The following D2HGDH variants were observed in gnomAD, a reference collection of about 807,000 sequenced individuals.
The protein encoded by D2HGDH is D-2-hydroxyglutarate dehydrogenase, also known as D-2-hydroxyglutarate dehydrogenase, mitochondrial.
D2HGDH carries 31 observed loss-of-function variants against 46.9 expected under a neutral mutation model. That is an observed-to-expected ratio of 0.66 (90% confidence interval 0.50 to 0.89). The LOEUF (loss-of-function observed/expected upper bound fraction) is 0.89, where lower values mean the gene tolerates loss of function less well. Ranked by LOEUF, D2HGDH falls within the 40% of genes least tolerant of loss-of-function variation. D2HGDH has a pLI of 0.00. For synonymous variants in D2HGDH, 364 were observed against 332.6 expected, an observed-to-expected ratio of 1.09 and a Z score of -1.03; for missense variants, 698 against 720.8, an observed-to-expected ratio of 0.97 and a Z score of 0.36.
chr2:241,758,691 C>A (rs752012578), intron 9 of D2HGDH, among the ~76,000 whole-genome samples: 1 of 152,034 alleles, frequency 6.6e-6, no homozygotes, highest in Non-Finnish European at 1.5e-5. Context: ...CTGGAAGGAT[C>A]ACTGGAGTCC....
At chr2:241,749,359 T>G (rs975744457) in intron 6 of D2HGDH, 17 of 1,285,706 alleles carry the variant, frequency 1.3e-5, no homozygotes, top group Non-Finnish European at 1.6e-5. Flanking sequence ...TTCTCTGATA[T>G]CCACATGCCT....
chr2:241,750,060 T>G (rs1328501169), intron 6 of D2HGDH, 91 bp from the exon 7 acceptor site: 4 of 1,597,002 alleles, frequency 2.5e-6, no homozygotes, highest in African/African-American at 1.3e-5. Flanking sequence ...CCCACCCACA[T>G]GAGTCGGGCT....
At chr2:241,764,948 G>A (rs1699151940) in intron 9 of D2HGDH, among the ~76,000 whole-genome samples, 1 of 152,186 alleles carries the variant, frequency 6.6e-6, no homozygotes, top group African/African-American at 2.4e-5. Flanking sequence ...AGGAGGTTGT[G>A]CGTGGGGCGG....
chr2:241,740,086 A>T (rs1235455250), intron 2 of D2HGDH, among the ~76,000 whole-genome samples: 4 of 152,212 alleles, frequency 2.6e-5, no homozygotes, highest in African/African-American at 9.6e-5. Context: ...TTGAGGCTGC[A>T]GTGAGCTGTG....
Position 241,740,770 on chromosome 2 carries a change from C to A in D2HGDH, c.293-263C>A, listed in dbSNP as rs562529695. ...GACCAGCCTGGCCAATGTGGTGAAA[C>A]CCTGTCTCTACTAAAAATACAAAAA... On this transcript the variant is annotated intron_variant, in intron 2 of 9. Transcript: ENST00000321264. 5.9e-5 allele frequency among the ~76,000 whole-genome samples: 9 copies of A among 152,280 alleles called. No homozygotes were observed. In the South Asian group the frequency reaches 1.9e-3, roughly 32 times the overall value.
rs539954381 is a variant in D2HGDH, at chr2:241,744,689, G to A, written c.685-20G>A. ...TCAGGAGGCTGGCAGGTGGGTGAACGTGCTTCTCTTTGCCCCAAGGTGCTG... is the reference window on the plus strand; with the variant it reads ...TCAGGAGGCTGGCAGGTGGGTGAACATGCTTCTCTTTGCCCCAAGGTGCTG... On this transcript the variant is annotated intron_variant, in intron 5 of 9. Coordinates refer to ENST00000321264, the MANE Select transcript of D2HGDH (RefSeq NM_152783.5). 1.5e-5 allele frequency: 25 copies of A among 1,614,166 alleles called. No individual in the cohort carries two copies. Among genetic ancestry groups the A allele is most frequent in the East Asian group, 8.9e-5 (4 of 44,890 alleles).
chr2:241,767,784 G>T lies in D2HGDH; in HGVS notation c.1381G>T (p.Val461Leu), dbSNP rs912526378. ...GCTCCTGGCTGCCCTGGAGCCCCAC[G>T]TGTACGAGTGGACGGCCGGGCAGCA... ...PSLLAALEPH[V>L]YEWTAGQQGS... Residue 461 changes from valine to leucine, a missense_variant, in exon 10 of 10, where the codon GTG (valine) becomes TTG (leucine). Physicochemically the swap from Val to Leu is conservative, Grantham distance 32 (BLOSUM62 1). Transcript: ENST00000321264. The T allele has an allele frequency of 6.2e-7, 1 of 1,612,444 alleles. No homozygotes were observed. Among genetic ancestry groups the T allele is most frequent in the Non-Finnish European group, 8.5e-7 (1 of 1,179,556 alleles).
In D2HGDH at chr2:241,748,899, C is replaced by A. The variant is rs988400179; in HGVS notation, c.854-1252C>A. The A allele has an allele frequency of 1.3e-5, 17 of 1,298,906 alleles. No homozygotes were observed. The Admixed American group carries it at 2.3e-4, about 18-fold the overall frequency. The allele number at this position is 1,298,906 out of a possible 1,614,324, so 80.5% of individuals were successfully genotyped here. A position where few individuals can be genotyped will look rare whatever the true frequency, so the allele number is the denominator to read the frequency against. ...TGCCGCCCGCCTGTGGTCCTGGGAG[C>A]CCGAGGCCAGCCCGGCTGCCGCATC... is the stretch of plus-strand genomic sequence containing the variant. On this transcript the variant is annotated intron_variant, in intron 6 of 9. Coordinates refer to ENST00000321264, the MANE Select transcript of D2HGDH (RefSeq NM_152783.5).
chr2:241,755,824 T>C (rs372886599), intron 8 of D2HGDH, 25 bp from the exon 9 acceptor site: 55 of 1,610,878 alleles, frequency 3.4e-5, no homozygotes, highest in Non-Finnish European at 4.6e-5. Context: ...AGCCAGCCCT[T>C]GTCTCATCTC....
intron 5 of D2HGDH, among the ~76,000 whole-genome samples, chr2:241,744,203 C>G (rs547333421): frequency 6.6e-6 from 1 of 152,204 alleles, no homozygotes; most frequent in Non-Finnish European, 1.5e-5. Context: ...CCTCACCAGC[C>G]GAGTGTCACA....
At chr2:241,756,371 G>T (rs187855977) in intron 9 of D2HGDH, among the ~76,000 whole-genome samples, 1 of 152,370 alleles carries the variant, frequency 6.6e-6, no homozygotes, top group East Asian at 1.9e-4. Flanking sequence ...ACAGGGCCCG[G>T]CCCCGAGGCC....
intron 6 of D2HGDH, 100 bp downstream of exon 6, chr2:241,744,977 C>CT: frequency 6.7e-7 from 1 of 1,501,408 alleles, no homozygotes; most frequent in Non-Finnish European, 9.2e-7. Flanking sequence ...GAGGGACCCC[C>CT]CGCCAAGGAC....
chr2:241,755,950 C>A lies in D2HGDH; in HGVS notation c.1242C>A (p.Ile414=). 5 of 1,609,036 alleles carry A rather than the reference C, an allele frequency of 3.1e-6. No homozygotes were observed. The highest frequency in any genetic ancestry group is 4.2e-6 in the Non-Finnish European group (5 of 1,176,518). The change falls in exon 9 of 10, where the codon ATC becomes ATA. Residue 414 remains isoleucine (I), a synonymous_variant. Transcript: ENST00000321264. Reference sequence around the variant, plus strand: ...TCCCTGTGGAGCGGCTCTACGACATCGTGACTGACCTGCGCGCCCGCCTCG... The same window carrying A: ...TCCCTGTGGAGCGGCTCTACGACATAGTGACTGACCTGCGCGCCCGCCTCG... ...LSLPVERLYD[I]VTDLRARLGP...
chr2:241,748,971 G>T, intron 6 of D2HGDH: 1 of 1,270,992 alleles, frequency 7.9e-7, no homozygotes, highest in Non-Finnish European at 1.0e-6. Context: ...TCGCCTCTTC[G>T]TGCCACGCCC....
Position 241,735,339 on chromosome 2 carries a change from GC to G in D2HGDH, c.119del (p.Pro40ArgfsTer8). The G allele has an allele frequency of 6.4e-7, 1 of 1,551,088 alleles. No individual in the cohort carries two copies. The highest frequency in any genetic ancestry group is 8.7e-7 in the Non-Finnish European group (1 of 1,152,818). ...CCTGGCCCGCAGAGGCTGCTGCTCC[GC>G]CCCGGGGACCCCCGAGGTGCCGCTG... ...GPLARRGCCS[A>X]PGTPEVPLTR... On this transcript the variant is annotated frameshift_variant, in exon 2 of 10. Transcript: ENST00000321264. LOFTEE classifies it high-confidence loss of function.
chr2:241,754,235 C>T (rs932325614), intron 8 of D2HGDH, among the ~76,000 whole-genome samples: 4 of 152,284 alleles, frequency 2.6e-5, no homozygotes, highest in African/African-American at 7.2e-5. Context: ...ACCATGGAGG[C>T]GAAAGCCGGC....
intron 9 of D2HGDH, 37 bp from the exon 10 acceptor site, chr2:241,767,673 C>T (rs750808833): frequency 6.2e-7 from 1 of 1,611,700 alleles, no homozygotes; most frequent in South Asian, 1.1e-5. Flanking sequence ...TGGGGGCTGC[C>T]CTGCCCAGCC....
chr2:241,735,581 G>A, intron 2 of D2HGDH, 65 bp downstream of exon 2: 1 of 1,585,442 alleles, frequency 6.3e-7, no homozygotes, highest in South Asian at 1.1e-5. Flanking sequence ...TCCCGTGGAG[G>A]CTTCAAAGCG....
At chr2:241,737,138 C>G (rs1016594831) in intron 2 of D2HGDH, among the ~76,000 whole-genome samples, 3 of 151,988 alleles carry the variant, frequency 2.0e-5, no homozygotes, top group Non-Finnish European at 4.4e-5. Context: ...CCGGCTCATT[C>G]TTTTTGTATT....
Sources: gnomAD v4.1 joint callset for allele counts (sites outside exome capture counted in the v4.1 genomes callset) on GRCh38, gnomAD v4.1.1 for gene constraint, MANE v1.5 for transcripts, NCBI Gene and HGNC (gene_info 2026-07-23, HGNC 2026-07-21) for gene names.